Variants in KCNA3 observed in about 807,000 individuals in gnomAD.
KCNA3 encodes RP11-284N8.3.
A neutral mutation model predicts 34.3 loss-of-function variants in KCNA3; 18 were observed. The observed-to-expected ratio is 0.52, with a 90% CI of 0.36 to 0.78. The LOEUF is 0.78. KCNA3 is among the 30% of genes least tolerant of loss of function. KCNA3 has a pLI of 0.00. For missense variants in KCNA3, 587 were observed against 802.5 expected, an observed-to-expected ratio of 0.73 and a Z score of 3.24; for synonymous variants, 324 against 351.7, an observed-to-expected ratio of 0.92 and a Z score of 0.88.
In KCNA3 at chr1:110,673,331, C is replaced by T. The variant is rs749330573; in HGVS notation, c.1479G>A (p.Gly493=). ...CGTGCATGTACTGGGATTGCTCTTCCCCTTCTGTCTCCCGGTGGTAGAAGT... is the reference window on the plus strand; with the variant it reads ...CGTGCATGTACTGGGATTGCTCTTCTCCTTCTGTCTCCCGGTGGTAGAAGT... The part of the protein sequence containing the change: ...FNYFYHRETE[G]EEQSQYMHVG... The change falls in exon 1 of 1, where the codon GGG becomes GGA. Residue 493 remains glycine (G), a synonymous_variant. Transcript: ENST00000369769. This position sits in a 1 kb window ranked among gnomAD's most constrained non-coding sequence, Gnocchi z 8.8. 42 of 1,613,972 alleles carry T rather than the reference C, an allele frequency of 2.6e-5. No homozygotes were observed. Among genetic ancestry groups the T allele is most frequent in the Non-Finnish European group, 3.4e-5 (40 of 1,180,022 alleles).
chr1:110,671,676 AT>A (rs34775318), downstream of KCNA3, among the ~76,000 whole-genome samples: 269 of 147,882 alleles, frequency 1.8e-3, no homozygotes, highest in African/African-American at 5.5e-3. Flanking sequence ...TGGGATCTGT[AT>A]TTTTTTTTTT....
In KCNA3 at chr1:110,674,584, C is replaced by G. The variant is rs1468234300; in HGVS notation, c.226G>C (p.Gly76Arg). Reference sequence around the variant, plus strand: ...TCGCAGCCGCCGCCGCCACAGCCGCCTTGAGGCGGGGCCCCTCCACCATCG... The same window carrying G: ...TCGCAGCCGCCGCCGCCACAGCCGCGTTGAGGCGGGGCCCCTCCACCATCG... ...VADGGGAPPQ[G>R]GCGGGGCDRY... is the part of the protein sequence containing the mutation. The change falls in exon 1 of 1, where the codon GGC becomes CGC. Residue 76 changes from glycine (G) to arginine (R), a missense_variant. Coordinates refer to ENST00000369769, the MANE Select transcript of KCNA3 (RefSeq NM_002232.5). This position sits in a 1 kb window ranked among gnomAD's most constrained non-coding sequence, Gnocchi z 6.4. 6.4e-7 allele frequency: 1 copy of G among 1,573,198 alleles called. No homozygotes were observed. The highest frequency in any genetic ancestry group is 1.8e-5 in the Admixed American group (1 of 54,416).
In KCNA3 at chr1:110,674,557, G is replaced by T. The variant is rs922051996; in HGVS notation, c.253C>A (p.Arg85Ser). 1.3e-6 allele frequency: 2 copies of T among 1,565,096 alleles called. No individual in the cohort carries two copies. Among genetic ancestry groups the T allele is most frequent in the Non-Finnish European group, 1.7e-6 (2 of 1,159,674 alleles). The change falls in exon 1 of 1, where the codon CGC becomes AGC. Residue 85 changes from arginine (R) to serine (S), a missense_variant. Arg to Ser is a moderately radical substitution (Grantham distance 110). Coordinates refer to ENST00000369769, the MANE Select transcript of KCNA3 (RefSeq NM_002232.5). The surrounding 1 kb of genome is among the most constrained non-coding windows in gnomAD (Gnocchi z 6.4). ...AGTGAGGGCGGCAGCGGCTCGTAGC[G>T]GTCGCAGCCGCCGCCGCCACAGCCG... ...QGGCGGGGCD[R>S]YEPLPPSLPA... is the part of the protein sequence containing the mutation.
In KCNA3 at chr1:110,674,136, T is replaced by C; in HGVS notation, c.674A>G (p.Glu225Gly). ...GGCCGGCCCGGAGCTCTCGGGGTAC[T>C]CGAAGAGCAGCCACACCTGGCGCTG... Reference protein sequence around the residue: ...DFQRQVWLLFEYPESSGPARG... With the variant: ...DFQRQVWLLFGYPESSGPARG... The change falls in exon 1 of 1, where the codon GAG becomes GGG. Residue 225 changes from glutamate (E) to glycine (G), a missense_variant. Around this residue, in one of 7 missense-constraint regions of KCNA3, gnomAD observed 341 missense variants for 355.4 expected, o/e 0.96. Transcript: ENST00000369769. The surrounding 1 kb of genome is among the most constrained non-coding windows in gnomAD (Gnocchi z 6.4). The C allele has an allele frequency of 6.2e-7, 1 of 1,612,686 alleles. No homozygotes were observed. Among genetic ancestry groups the C allele is most frequent in the Non-Finnish European group, 8.5e-7 (1 of 1,179,430 alleles).
chr1:110,667,115 A>G, the KCNA3 span, among the ~76,000 whole-genome samples: 1 of 152,200 alleles, frequency 6.6e-6, no homozygotes, highest in Admixed American at 6.5e-5. Flanking sequence ...TCTCTTCCAA[A>G]TTAATTATGT....
the KCNA3 span, among the ~76,000 whole-genome samples, chr1:110,660,588 C>T: frequency 1.3e-5 from 2 of 152,074 alleles, no homozygotes; most frequent in African/African-American, 4.8e-5. Context: ...GATGACATTC[C>T]TATCATTTAT....
the KCNA3 span, among the ~76,000 whole-genome samples, chr1:110,661,899 G>A: frequency 1.1e-4 from 17 of 151,984 alleles, no homozygotes; most frequent in Admixed American, 4.6e-4. Context: ...ACGAGGTCAG[G>A]AGATCGAGAC....
chr1:110,659,013 T>C, the KCNA3 span, among the ~76,000 whole-genome samples: 1 of 152,158 alleles, frequency 6.6e-6, no homozygotes, highest in African/African-American at 2.4e-5. Flanking sequence ...ATACCATTCA[T>C]TTGGGCACAG....
the KCNA3 span, among the ~76,000 whole-genome samples, chr1:110,662,067 G>A: frequency 0.78 from 113,581 of 146,416 alleles, 44,449 homozygotes; most frequent in African/African-American, 0.87. Context: ...GAGCCGAGAC[G>A]GTGCCACTGC....
At chr1:110,668,852 G>A (rs1051275953), downstream of KCNA3, among the ~76,000 whole-genome samples, 2 of 152,068 alleles carry the variant, frequency 1.3e-5, no homozygotes, top group Admixed American at 1.3e-4. Flanking sequence ...CACATAAGAC[G>A]TGCAACTGAG....
Position 110,674,172 on chromosome 1 carries a change from C to A in KCNA3, c.638G>T (p.Arg213Leu), listed in dbSNP as rs771419846. The A allele has an allele frequency of 3.1e-6, 5 of 1,612,104 alleles. No individual in the cohort carries two copies. The African/African-American group carries it at 5.3e-5, about 17-fold the overall frequency. The change falls in exon 1 of 1, where the codon CGC (arginine) becomes CTC (leucine). Residue 213 changes from arginine (R) to leucine (L), a missense_variant. Transcript: ENST00000369769. The surrounding 1 kb of genome is among the most constrained non-coding windows in gnomAD (Gnocchi z 6.4). The part of the protein sequence containing the change: ...FLREEERPLP[R>L]RDFQRQVWLL... ...CCACACCTGGCGCTGGAAGTCGCGG[C>A]GGGGCAAGGGCCGCTCCTCCTCCCG...
the KCNA3 span, among the ~76,000 whole-genome samples, chr1:110,664,272 C>T: frequency 1.8e-3 from 275 of 152,268 alleles, 2 homozygotes; most frequent in Non-Finnish European, 7.8e-4. Context: ...TCAGCTATTA[C>T]GTATGAAAAA....
the KCNA3 span, among the ~76,000 whole-genome samples, chr1:110,658,017 C>T: frequency 6.6e-6 from 1 of 152,226 alleles, no homozygotes. Context: ...TAAAAGTTCA[C>T]ATAGCTCAAA....
chr1:110,659,796 A>G, the KCNA3 span, among the ~76,000 whole-genome samples: 4 of 152,248 alleles, frequency 2.6e-5, no homozygotes, highest in East Asian at 1.9e-4. Context: ...GGACATGGAT[A>G]AAGCTGGAAA....
chr1:110,653,577 T>C, the KCNA3 span: 1 of 152,330 alleles, frequency 6.6e-6, no homozygotes, highest in Non-Finnish European at 1.5e-5. Flanking sequence ...TGGTCTTTTA[T>C]TGAATTCTGT....
Position 110,673,463 on chromosome 1 carries a change from A to G in KCNA3, c.1347T>C (p.Asp449=), listed in dbSNP as rs371457823. The change falls in exon 1 of 1, where the codon GAT becomes GAC. Residue 449 remains aspartate, a synonymous_variant. Transcript: ENST00000369769. The surrounding 1 kb of genome is among the most constrained non-coding windows in gnomAD (Gnocchi z 8.8). ...VVTMTTVGYG[D]MHPVTIGGKI... ...TGCCCCCTATGGTCACTGGGTGCAT[A>G]TCGCCGTAACCCACTGTTGTCATGG... 11 of 1,613,990 alleles carry G rather than the reference A, an allele frequency of 6.8e-6. No individual in the cohort carries two copies. In the African/African-American group the frequency reaches 1.1e-4, roughly 16 times the overall value.
At chr1:110,669,401 T>C (rs1360614883), downstream of KCNA3, among the ~76,000 whole-genome samples, 1 of 152,172 alleles carries the variant, frequency 6.6e-6, no homozygotes, top group Non-Finnish European at 1.5e-5. Flanking sequence ...TATAAGAAAA[T>C]AATCTTTTGT....
At position 110,674,509 on chromosome 1, in the gene KCNA3, A is replaced by C. The variant is rs752209102; in HGVS notation, c.301T>G (p.Cys101Gly). The C allele has an allele frequency of 1.2e-6, 2 of 1,612,238 alleles. No homozygotes were observed. The highest frequency in any genetic ancestry group is 8.5e-7 in the Non-Finnish European group (1 of 1,179,304). The part of the protein sequence containing the change: ...PSLPAAGEQD[C>G]CGERVVINIS... ...TTGATGACCACGCGCTCCCCGCAGC[A>C]GTCCTGCTCGCCCGCGGCCGGCAGT... The change falls in exon 1 of 1, where the codon TGC becomes GGC. Residue 101 changes from cysteine to glycine, a missense_variant. Cys to Gly is a radical substitution (Grantham distance 159). Transcript: ENST00000369769. The surrounding 1 kb of genome is among the most constrained non-coding windows in gnomAD (Gnocchi z 6.4).
At chr1:110,667,298 A>G in the KCNA3 span, among the ~76,000 whole-genome samples, 50,348 of 151,880 alleles carry the variant, frequency 0.33, 8,450 homozygotes, top group East Asian at 0.49. Context: ...AAAAGTGGGT[A>G]GGGGCCTCCA....
Sources: gnomAD v4.1 joint callset for allele counts (sites outside exome capture counted in the v4.1 genomes callset) on GRCh38, gnomAD v4.1.1 for gene constraint, gnomAD v4.1.1 regional missense constraint, Gnocchi (gnomAD v3.1) non-coding constraint, MANE v1.5 for transcripts, NCBI Gene and HGNC (gene_info 2026-07-23, HGNC 2026-07-21) for gene names.